The following NAPG variants were observed in gnomAD, a reference collection of about 807,000 sequenced individuals.
NAPG encodes NSF attachment protein gamma.
Under a neutral mutation model 48.4 loss-of-function variants are expected in NAPG, and 25 were observed. The ratio of observed to expected loss-of-function variants is 0.52; its 90% CI spans 0.38 to 0.72. The LOEUF is 0.72. Ranked by LOEUF, NAPG falls within the 30% of genes least tolerant of loss-of-function variation. The pLI, the probability that NAPG is intolerant of heterozygous loss-of-function variation, is 0.00. For missense variants in NAPG, 359 were observed against 372.5 expected (o/e 0.96, Z 0.30); for synonymous variants, 139 against 127.2 (o/e 1.09, Z -0.62).
rs73392661 is a variant in NAPG at position 10,550,648 on chromosome 18, T to C, written c.*428T>C. The C allele has an allele frequency of 0.016, 2,430 of 153,870 alleles. 62 individuals are homozygous for C. The highest frequency in any genetic ancestry group is 0.056 in the African/African-American group (2,322 of 41,552). The allele number at this position is 153,870 out of a possible 1,614,324, so 9.5% of individuals were successfully genotyped here. On this transcript the variant is annotated 3_prime_UTR_variant, in exon 12 of 12. Coordinates refer to ENST00000322897, the MANE Select transcript of NAPG (RefSeq NM_003826.3). Reference sequence around the variant, plus strand: ...AAGGTGATGTTTACTGATAAATCATTTTAAAATTTTTTTGTTTTGAAAAGT... The same window carrying C: ...AAGGTGATGTTTACTGATAAATCATCTTAAAATTTTTTTGTTTTGAAAAGT...
In NAPG at chr18:10,544,039, G is replaced by A. The variant is rs570067278; in HGVS notation, c.507-2287G>A. On this transcript the variant is annotated intron_variant, in intron 8 of 11. Coordinates refer to ENST00000322897, the MANE Select transcript of NAPG (RefSeq NM_003826.3). This position sits in a 1 kb window ranked among gnomAD's most constrained non-coding sequence, Gnocchi z 5.1. The stretch of plus-strand genomic sequence containing the variant: ...CCCTTTATAGTTAAATATATGAAAA[G>A]TTTAAAATACTGAGATTGCTAATAG... Among the ~76,000 whole-genome samples the A allele has an allele frequency of 1.5e-3, 235 of 152,290 alleles. No individual in the cohort carries two copies. Among genetic ancestry groups the A allele is most frequent in the African/African-American group, 5.1e-3 (211 of 41,564 alleles).
rs557778888 is a variant in NAPG at position 10,546,054 on chromosome 18, C to T, written c.507-272C>T. Among the ~76,000 whole-genome samples, 2 of 152,304 alleles carry T rather than the reference C, an allele frequency of 1.3e-5. No individual in the cohort carries two copies. Among genetic ancestry groups the T allele is most frequent in the South Asian group, 4.1e-4 (2 of 4,826 alleles). On this transcript the variant is annotated intron_variant, in intron 8 of 11. Transcript: ENST00000322897. The surrounding 1 kb of genome is among the most constrained non-coding windows in gnomAD (Gnocchi z 4.0). Reference sequence around the variant, plus strand: ...GTCGTGACACTCGCTATTGGACAGTCCTTACTAAGCTTAAAACTCCCCGTT... The same window carrying T: ...GTCGTGACACTCGCTATTGGACAGTTCTTACTAAGCTTAAAACTCCCCGTT...
intron 1 of NAPG, among the ~76,000 whole-genome samples, chr18:10,528,559 A>G (rs1349795089): frequency 6.6e-6 from 1 of 152,106 alleles, no homozygotes; most frequent in Admixed American, 6.5e-5. Context: ...TTCAGGGGAG[A>G]GGTGGTGATG....
In NAPG at chr18:10,540,015, G is replaced by T; in HGVS notation, c.396G>T (p.Lys132Asn). 6.3e-7 allele frequency: 1 copy of T among 1,597,888 alleles called. No homozygotes were observed. The highest frequency in any genetic ancestry group is 8.5e-7 in the Non-Finnish European group (1 of 1,171,294). Residue 132 changes from lysine (K) to asparagine (N), a missense_variant, in exon 7 of 12, where the codon AAG (lysine) becomes AAT (asparagine). Coordinates refer to ENST00000322897, the MANE Select transcript of NAPG (RefSeq NM_003826.3). ...TTATAGAAAATGTTGATCCAGAGAA[G>T]GCTGTACAGTTATATCAACAGACAG... ...GKLIENVDPE[K>N]AVQLYQQTAN...
In NAPG at chr18:10,539,017, T is replaced by G. The variant is rs2032091932; in HGVS notation, c.259-745T>G. 6.6e-6 allele frequency: 1 copy of G among 152,190 alleles called. No individual in the cohort carries two copies. The highest frequency in any genetic ancestry group is 1.5e-5 in the Non-Finnish European group (1 of 68,032). The allele number at this position is 152,190 out of a possible 1,614,324, so 9.4% of individuals were successfully genotyped here. ...AGGAAACAATAGATGCTGGCCAGGC[T>G]GTGGAGAAATAGGAAAGTTTTTATA... On this transcript the variant is annotated intron_variant, in intron 5 of 11. Coordinates refer to ENST00000322897, the MANE Select transcript of NAPG (RefSeq NM_003826.3). This position sits in a 1 kb window ranked among gnomAD's most constrained non-coding sequence, Gnocchi z 4.7.
chr18:10,529,213 G>C (rs2031880492), intron 1 of NAPG, among the ~76,000 whole-genome samples: 1 of 152,148 alleles, frequency 6.6e-6, no homozygotes, highest in Non-Finnish European at 1.5e-5. Context: ...AAAAAATTAT[G>C]TTAATATACA....
rs781604699 is a variant in NAPG at position 10,540,034 on chromosome 18, C to A, written c.415C>A (p.Gln139Lys). The A allele has an allele frequency of 3.1e-6, 5 of 1,588,996 alleles. No individual in the cohort carries two copies. The highest frequency in any genetic ancestry group is 4.3e-6 in the Non-Finnish European group (5 of 1,166,394). The change falls in exon 7 of 12, where the codon CAG becomes AAG. Residue 139 changes from glutamine (Q) to lysine (K), a missense_variant. Coordinates refer to ENST00000322897, the MANE Select transcript of NAPG (RefSeq NM_003826.3). Reference sequence around the variant, plus strand: ...AGAGAAGGCTGTACAGTTATATCAACAGACAGCTAATGTGTTTGAAGTAAG... The same window carrying A: ...AGAGAAGGCTGTACAGTTATATCAAAAGACAGCTAATGTGTTTGAAGTAAG... ...DPEKAVQLYQ[Q>K]TANVFENEER...
At position 10,539,152 on chromosome 18, in the gene NAPG, A is replaced by G. The variant is rs935120133; in HGVS notation, c.259-610A>G. 1.3e-5 allele frequency: 2 copies of G among 152,296 alleles called. No individual in the cohort carries two copies. The highest frequency in any genetic ancestry group is 1.3e-4 in the Admixed American group (2 of 15,296). The allele number at this position is 152,296 out of a possible 1,614,324, so 9.4% of individuals were successfully genotyped here. On this transcript the variant is annotated intron_variant, in intron 5 of 11. Coordinates refer to ENST00000322897, the MANE Select transcript of NAPG (RefSeq NM_003826.3). The surrounding 1 kb of genome is among the most constrained non-coding windows in gnomAD (Gnocchi z 4.7). ...TGACCCAGCAATCCCATTACTGGGC[A>G]TATGCCCAAAGGAACATAAATCATT... is the stretch of plus-strand genomic sequence containing the variant.
At chr18:10,549,972 G>T in intron 11 of NAPG, 105 bp from the exon 12 acceptor site, 2 of 1,181,452 alleles carry the variant, frequency 1.7e-6, no homozygotes, top group Non-Finnish European at 2.3e-6. Flanking sequence ...TGGTAGAATT[G>T]GTGTTCCTGA....
intron 11 of NAPG, among the ~76,000 whole-genome samples, chr18:10,549,586 G>A (rs961489169): frequency 6.6e-6 from 1 of 152,182 alleles, no homozygotes; most frequent in African/African-American, 2.4e-5. Flanking sequence ...GGACTGTTGT[G>A]AAGAATACAT....
chr18:10,549,675 C>T (rs1277658029), intron 11 of NAPG, among the ~76,000 whole-genome samples: 1 of 152,058 alleles, frequency 6.6e-6, no homozygotes, highest in Non-Finnish European at 1.5e-5. Flanking sequence ...TATTTTTTCT[C>T]ATTTGTCTTT....
At chr18:10,533,008 ACT>A in intron 3 of NAPG, 1 of 447,312 alleles carries the variant, frequency 2.2e-6, no homozygotes. Flanking sequence ...TACAATACTT[ACT>A]TTCTATTGTT....
rs1324080179 is a variant in NAPG, at chr18:10,526,094, A to T, written c.-9A>T. The T allele has an allele frequency of 1.9e-6, 3 of 1,612,854 alleles. No individual in the cohort carries two copies. The Admixed American group carries it at 5.0e-5, about 27-fold the overall frequency. ...ACCCTCTCTCCACGTCAGAGACCTG[A>T]CTGTGGAGATGGCGGCTCAGAAGAT... On this transcript the variant is annotated 5_prime_UTR_variant, in exon 1 of 12. Transcript: ENST00000322897.
chr18:10,535,392 A>C (rs1289802748), intron 5 of NAPG, among the ~76,000 whole-genome samples: 1 of 152,240 alleles, frequency 6.6e-6, no homozygotes, highest in Non-Finnish European at 1.5e-5. Context: ...TGAGTCTATC[A>C]TCGAGAGAGA....
intron 11 of NAPG, 28 bp from the exon 12 acceptor site, chr18:10,550,048 CT>C: frequency 3.3e-6 from 5 of 1,499,290 alleles, no homozygotes; most frequent in Non-Finnish European, 3.5e-6. Flanking sequence ...AGTTATCCAG[CT>C]TTTAAGAACA....
chr18:10,526,399 C>T (rs950181935), intron 1 of NAPG: 5 of 535,516 alleles, frequency 9.3e-6, no homozygotes, highest in Admixed American at 3.4e-5. Flanking sequence ...CTCCCCAGAG[C>T]CGGTGTGGGC....
chr18:10,529,577 A>G (rs1209333705), intron 1 of NAPG, among the ~76,000 whole-genome samples: 1 of 152,076 alleles, frequency 6.6e-6, no homozygotes, highest in Admixed American at 6.5e-5. Context: ...ACATGGCGAA[A>G]CCTCTTCTCT....
intron 3 of NAPG, chr18:10,533,073 A>G: frequency 2.8e-6 from 1 of 351,126 alleles, no homozygotes; most frequent in East Asian, 4.9e-5. Context: ...GTAAATCTGT[A>G]GACATGTGCT....
chr18:10,526,215 C>G (rs1434319358), intron 1 of NAPG, 57 bp downstream of exon 1: 2 of 919,492 alleles, frequency 2.2e-6, no homozygotes, highest in Non-Finnish European at 3.4e-6. Flanking sequence ...CTCTCACTGG[C>G]GCGGCCTTAG....
Sources: allele counts gnomAD v4.1 joint callset (sites outside exome capture counted in the v4.1 genomes callset), GRCh38; gene constraint gnomAD v4.1.1; non-coding constraint Gnocchi (gnomAD v3.1); transcripts MANE v1.5; gene names NCBI Gene and HGNC (gene_info 2026-07-23, HGNC 2026-07-21).